CDC14A: variants seen among roughly 807,000 people sequenced by gnomAD.
The protein encoded by CDC14A is dual specificity protein phosphatase CDC14A.
Under a neutral mutation model 74.4 loss-of-function variants are expected in CDC14A, and 53 were observed. The observed-to-expected ratio is 0.71, with a 90% confidence interval of 0.57 to 0.89. CDC14A has a LOEUF of 0.89. Among genes scored for constraint, CDC14A ranks in the 40% least tolerant of loss-of-function variants. The pLI, the probability that CDC14A is intolerant of heterozygous loss-of-function variation, is 0.00. For synonymous variants in CDC14A, 247 were observed against 258.4 expected (o/e 0.96, Z 0.43); for missense variants, 646 against 713.7 (o/e 0.91, Z 1.08).
intron 10 of CDC14A, among the ~76,000 whole-genome samples, chr1:100,471,146 G>A (rs7528911): frequency 0.057 from 8,666 of 151,998 alleles, 836 homozygotes; most frequent in African/African-American, 0.2. Context: ...TCATATTATT[G>A]TAAGAGGAAA....
intron 2 of CDC14A, among the ~76,000 whole-genome samples, chr1:100,377,034 C>G (rs1186141514): frequency 6.9e-6 from 1 of 144,660 alleles, no homozygotes; most frequent in Non-Finnish European, 1.5e-5. Flanking sequence ...CCAATTAGTT[C>G]TGTTTTTTTT....
intron 10 of CDC14A, among the ~76,000 whole-genome samples, chr1:100,471,097 C>A (rs1399146844): frequency 6.6e-6 from 1 of 151,646 alleles, no homozygotes; most frequent in Non-Finnish European, 1.5e-5. Flanking sequence ...CCAGCAATAA[C>A]AAAGAATGAA....
chr1:100,511,521 C>G (rs1004588175), intron 15 of CDC14A, among the ~76,000 whole-genome samples: 2 of 152,222 alleles, frequency 1.3e-5, no homozygotes, highest in African/African-American at 4.8e-5. Context: ...TGGACCTACA[C>G]TCCCAGCTTC....
intron 2 of CDC14A, among the ~76,000 whole-genome samples, chr1:100,366,521 G>A (rs1224245453): frequency 1.3e-5 from 2 of 152,178 alleles, no homozygotes; most frequent in Non-Finnish European, 2.9e-5. Context: ...TGTGAGAAGA[G>A]CTGCACATGT....
chr1:100,376,397 T>C (rs1049428517), intron 2 of CDC14A, among the ~76,000 whole-genome samples: 4 of 152,136 alleles, frequency 2.6e-5, no homozygotes, highest in African/African-American at 9.7e-5. Context: ...AGTAGTAGCT[T>C]GTTTGATATA....
intron 1 of CDC14A, 123 bp downstream of exon 1, chr1:100,353,126 T>G: frequency 1.8e-5 from 18 of 1,014,044 alleles, no homozygotes; most frequent in Non-Finnish European, 2.4e-5. Flanking sequence ...CGCGCTCTCG[T>G]CCCCTCTAGG....
At position 100,499,022 on chromosome 1, in the gene CDC14A, G is replaced by A. The variant is rs1648335795; in HGVS notation, c.1515G>A (p.Lys505=). The change falls in exon 15 of 16, where the codon AAG becomes AAA. Residue 505 remains lysine, a synonymous_variant. Coordinates refer to ENST00000336454, the MANE Select transcript of CDC14A (RefSeq NM_003672.4). ...ACAAAAAGACCTCCTCATCCTCTAA[G>A]GCAGGCTTCACAGCCAGCCCGTTTA... ...PENKKTSSSS[K]AGFTASPFTN... 1 of 1,613,966 alleles carries A rather than the reference G, an allele frequency of 6.2e-7. No individual in the cohort carries two copies. The highest frequency in any genetic ancestry group is 1.1e-5 in the South Asian group (1 of 91,074).
In CDC14A at chr1:100,352,772, C is replaced by T. The variant is rs1390565922; in HGVS notation, c.-183C>T. On this transcript the variant is annotated 5_prime_UTR_variant, in exon 1 of 16. Transcript: ENST00000336454. ...GAGCTCGGGTTCCCCTCGGAATGTCCCCGGGGCGCCCGGCGCGCTGACCCC... is the reference window on the plus strand; with the variant it reads ...GAGCTCGGGTTCCCCTCGGAATGTCTCCGGGGCGCCCGGCGCGCTGACCCC... 6 of 1,421,218 alleles carry T rather than the reference C, an allele frequency of 4.2e-6. No individual in the cohort carries two copies. The highest frequency in any genetic ancestry group is 5.5e-6 in the Non-Finnish European group (6 of 1,094,346). 88.0% of individuals were successfully genotyped at this position (1,421,218 alleles called of 1,614,324 possible).
At chr1:100,364,829 C>T (rs549597088) in intron 2 of CDC14A, among the ~76,000 whole-genome samples, 23 of 152,142 alleles carry the variant, frequency 1.5e-4, no homozygotes, top group Admixed American at 4.6e-4. Context: ...CCTTCTCTAA[C>T]GAGGGATGTT....
At chr1:100,385,364 A>C (rs1656690692) in intron 3 of CDC14A, among the ~76,000 whole-genome samples, 1 of 152,210 alleles carries the variant, frequency 6.6e-6, no homozygotes, top group South Asian at 2.1e-4. Flanking sequence ...GAAATTCTGG[A>C]GGTGAGACCC....
chr1:100,394,762 T>C (rs1270221926), intron 4 of CDC14A, among the ~76,000 whole-genome samples: 5 of 152,222 alleles, frequency 3.3e-5, no homozygotes, highest in African/African-American at 7.2e-5. Context: ...AGAGGGCTTT[T>C]TGACACAAAC....
chr1:100,429,876 C>T (rs1225232817), intron 5 of CDC14A, among the ~76,000 whole-genome samples: 1 of 151,432 alleles, frequency 6.6e-6, no homozygotes, highest in African/African-American at 2.4e-5. Context: ...AATGAAGTAA[C>T]CTGTTTAGCT....
chr1:100,472,510 G>T (rs1668490603), intron 10 of CDC14A, among the ~76,000 whole-genome samples: 2 of 151,882 alleles, frequency 1.3e-5, no homozygotes, highest in Non-Finnish European at 2.9e-5. Context: ...GTTTTTCAAG[G>T]TTTTTTTCAG....
chr1:100,437,817 G>A (rs1020067389), intron 5 of CDC14A, among the ~76,000 whole-genome samples: 1 of 151,964 alleles, frequency 6.6e-6, no homozygotes. Context: ...TGAGTCTAGG[G>A]GTGGGAAGAC....
chr1:100,505,077 A>G, intron 15 of CDC14A: 1 of 813,158 alleles, frequency 1.2e-6, no homozygotes, highest in Non-Finnish European at 1.8e-6. Flanking sequence ...AGACATTTCA[A>G]AAAGTTCTTT....
chr1:100,462,574 T>G, intron 8 of CDC14A, 77 bp from the exon 9 acceptor site: 1 of 1,108,744 alleles, frequency 9.0e-7, no homozygotes, highest in Non-Finnish European at 1.4e-6. Context: ...ATACACTTCA[T>G]TGTTGAGAGT....
At chr1:100,391,582 AG>A (rs1313835744) in intron 4 of CDC14A, among the ~76,000 whole-genome samples, 1 of 152,192 alleles carries the variant, frequency 6.6e-6, no homozygotes, top group Non-Finnish European at 1.5e-5. Flanking sequence ...CAGGGAGCAG[AG>A]AGGTATCATT....
chr1:100,366,115 A>C (rs1207720699), intron 2 of CDC14A, among the ~76,000 whole-genome samples: 1 of 152,212 alleles, frequency 6.6e-6, no homozygotes, highest in Non-Finnish European at 1.5e-5. Context: ...TAACTATTTG[A>C]GTGAGCAAGT....
chr1:100,441,659 T>C (rs1421953415), intron 6 of CDC14A, among the ~76,000 whole-genome samples: 1 of 152,156 alleles, frequency 6.6e-6, no homozygotes, highest in African/African-American at 2.4e-5. Context: ...AGTTTTTTTT[T>C]TTTTTTTAGA....
Sources: allele counts gnomAD v4.1 joint callset (sites outside exome capture counted in the v4.1 genomes callset), GRCh38; gene constraint gnomAD v4.1.1; transcripts MANE v1.5; gene names NCBI Gene and HGNC (gene_info 2026-07-23, HGNC 2026-07-21).